CD226: variants seen among roughly 807,000 people sequenced by gnomAD.
CD226 encodes the protein CD226 molecule.
A neutral mutation model predicts 34.9 loss-of-function variants in CD226; 24 were observed. The ratio of observed to expected loss-of-function variants is 0.69; its 90% confidence interval spans 0.50 to 0.97. CD226 has a LOEUF of 0.97. Among genes scored for constraint, CD226 ranks in the 50% least tolerant of loss-of-function variants. The pLI is 0.00. For synonymous variants in CD226, 148 were observed against 147.4 expected, an observed-to-expected ratio of 1.00 and a Z score of -0.03; for missense variants, 397 against 412.7, an observed-to-expected ratio of 0.96 and a Z score of 0.33.
intron 1 of CD226, among the ~76,000 whole-genome samples, chr18:69,954,650 T>TTCATGGGAGGAGG (rs1375792215): frequency 4.6e-5 from 7 of 151,736 alleles, no homozygotes; most frequent in Non-Finnish European, 8.8e-5. Flanking sequence ...GGAAAAGGGG[T>TTCATGGGAGGAGG]ACTAACTGGT....
At chr18:69,866,278 C>G (rs1263576820) in intron 5 of CD226, among the ~76,000 whole-genome samples, 1 of 152,174 alleles carries the variant, frequency 6.6e-6, no homozygotes, top group Non-Finnish European at 1.5e-5. Flanking sequence ...CAATCCATAG[C>G]AACTTTTTTT....
chr18:69,935,304 G>A (rs1206166451), intron 2 of CD226, among the ~76,000 whole-genome samples: 2 of 152,100 alleles, frequency 1.3e-5, no homozygotes, highest in Non-Finnish European at 2.9e-5. Context: ...CCTTTTTGAA[G>A]GTCACTCACA....
At chr18:69,942,812 G>T (rs1003867817) in intron 2 of CD226, among the ~76,000 whole-genome samples, 6 of 152,142 alleles carry the variant, frequency 3.9e-5, no homozygotes, top group Admixed American at 2.0e-4. Flanking sequence ...GCCAGGCTCT[G>T]CCTCTTACAT....
chr18:69,933,879 T>C (rs1228216757), intron 2 of CD226, among the ~76,000 whole-genome samples: 1 of 152,244 alleles, frequency 6.6e-6, no homozygotes, highest in Admixed American at 6.5e-5. Flanking sequence ...ATTTTCATCT[T>C]ATTAAATGTT....
chr18:69,949,198 CA>C (rs1202658517), upstream of CD226, among the ~76,000 whole-genome samples: 1 of 152,236 alleles, frequency 6.6e-6, no homozygotes, highest in Admixed American at 6.5e-5. Flanking sequence ...CAGCACCCAG[CA>C]CAATTCCTCA....
rs1332813571 is a variant in CD226, at chr18:69,856,739, T to A, written c.*7575A>T. The A allele has an allele frequency of 6.6e-6, 1 of 152,184 alleles. No individual in the cohort carries two copies. The highest frequency in any genetic ancestry group is 2.4e-5 in the African/African-American group (1 of 41,464). The allele number at this position is 152,184 out of a possible 1,614,324, so 9.4% of individuals were successfully genotyped here. ...AAAGAAGAAATATCAAAAGAAATTT[T>A]AAAATATTTTGGACTAAATGAAAAT... On this transcript the variant is annotated 3_prime_UTR_variant, in exon 6 of 6. Transcript: ENST00000582621.
intron 4 of CD226, among the ~76,000 whole-genome samples, chr18:69,868,209 T>C (rs1235340304): frequency 6.6e-6 from 1 of 152,210 alleles, no homozygotes; most frequent in East Asian, 1.9e-4. Flanking sequence ...TGTATCCAAC[T>C]ATATAAAATA....
intron 2 of CD226, among the ~76,000 whole-genome samples, chr18:69,930,526 A>G (rs1384432346): frequency 4.1e-5 from 1 of 24,216 alleles, no homozygotes; most frequent in Non-Finnish European, 6.3e-4. Flanking sequence ...TGCCAGTCTA[A>G]GCAACGTGAA....
intron 3 of CD226, among the ~76,000 whole-genome samples, chr18:69,877,318 A>G (rs1224140436): frequency 6.6e-6 from 1 of 152,176 alleles, no homozygotes; most frequent in Non-Finnish European, 1.5e-5. Context: ...ACAGATGAAG[A>G]GATTGGTAGG....
chr18:69,933,657 T>G (rs748671698), intron 2 of CD226, among the ~76,000 whole-genome samples: 3 of 152,230 alleles, frequency 2.0e-5, no homozygotes, highest in Non-Finnish European at 2.9e-5. Context: ...TAGGTAAGAT[T>G]TACAGGGATT....
intron 2 of CD226, among the ~76,000 whole-genome samples, chr18:69,917,307 C>T (rs914838286): frequency 1.3e-5 from 2 of 152,174 alleles, no homozygotes; most frequent in Non-Finnish European, 2.9e-5. Flanking sequence ...TCACCTTGCC[C>T]CTGGGCTCAT....
chr18:69,945,732 T>G (rs2055780918), intron 2 of CD226, among the ~76,000 whole-genome samples: 1 of 152,048 alleles, frequency 6.6e-6, no homozygotes, highest in African/African-American at 2.4e-5. Context: ...ATTAGTCCGT[T>G]TTCACCCTGC....
At chr18:69,865,181 A>C (rs1051446717) in intron 5 of CD226, among the ~76,000 whole-genome samples, 10 of 151,948 alleles carry the variant, frequency 6.6e-5, no homozygotes, top group Admixed American at 2.6e-4. Context: ...GTAGAGATGG[A>C]GTTTCGCCAT....
At chr18:69,883,709 G>A (rs1984398511) in intron 3 of CD226, among the ~76,000 whole-genome samples, 1 of 152,204 alleles carries the variant, frequency 6.6e-6, no homozygotes. Context: ...AAGGCCTATT[G>A]TATATGCAAA....
chr18:69,923,305 G>A, intron 2 of CD226, among the ~76,000 whole-genome samples: 1 of 152,184 alleles, frequency 6.6e-6, no homozygotes, highest in Non-Finnish European at 1.5e-5. Flanking sequence ...CATAATGTTG[G>A]AAGGCAAGTG....
intron 3 of CD226, 55 bp downstream of exon 3, chr18:69,895,646 C>T: frequency 3.0e-6 from 4 of 1,326,552 alleles, no homozygotes; most frequent in Non-Finnish European, 4.3e-6. Context: ...GAGACCAGCC[C>T]ACGGGGCTGG....
intron 2 of CD226, among the ~76,000 whole-genome samples, chr18:69,902,244 G>A (rs540539652): frequency 6.6e-6 from 1 of 152,176 alleles, no homozygotes; most frequent in African/African-American, 2.4e-5. Context: ...TCCCATTCCT[G>A]AAAACCAACT....
At chr18:69,878,167 C>G (rs964560018) in intron 3 of CD226, among the ~76,000 whole-genome samples, 1 of 152,124 alleles carries the variant, frequency 6.6e-6, no homozygotes, top group African/African-American at 2.4e-5. Context: ...AAAAAGGAAG[C>G]CCTTTTCTTT....
intron 3 of CD226, among the ~76,000 whole-genome samples, chr18:69,878,245 G>A (rs144712699): frequency 1.9e-3 from 286 of 152,114 alleles, no homozygotes; most frequent in East Asian, 9.7e-4. Context: ...CCAATGCTGT[G>A]TTGATTCATA....
Sources: allele counts gnomAD v4.1 joint callset (sites outside exome capture counted in the v4.1 genomes callset), GRCh38; gene constraint gnomAD v4.1.1; transcripts MANE v1.5; gene names NCBI Gene and HGNC (gene_info 2026-07-23, HGNC 2026-07-21).